The following RALYL variants were observed in gnomAD, a reference collection of about 807,000 sequenced individuals.
The protein encoded by RALYL is RNA-binding Raly-like protein.
RALYL carries 29 observed loss-of-function variants against 35.1 expected under a neutral mutation model. That is an observed-to-expected ratio of 0.83 (90% CI 0.61 to 1.13). RALYL has a LOEUF of 1.13. Among genes scored for constraint, RALYL ranks in the 50% most tolerant of loss-of-function variants. The pLI is 0.00. For missense variants in RALYL, 359 were observed against 360.4 expected, an observed-to-expected ratio of 1.00 and a Z score of 0.03; for synonymous variants, 120 against 127.6, an observed-to-expected ratio of 0.94 and a Z score of 0.40.
chr8:84,841,353 G>T (rs953880383), intron 4 of RALYL, among the ~76,000 whole-genome samples: 17 of 152,006 alleles, frequency 1.1e-4, no homozygotes, highest in African/African-American at 3.6e-4. Context: ...AACCAACAAA[G>T]ATCAAAAGAG....
At chr8:84,380,771 C>T (rs16912764) in intron 1 of RALYL, among the ~76,000 whole-genome samples, 4,291 of 151,704 alleles carry the variant, frequency 0.028, 199 homozygotes, top group African/African-American at 0.098. Context: ...GTTTAAGCAC[C>T]GAAAGGATTT....
chr8:84,521,722 G>A (rs1228027310), intron 1 of RALYL, among the ~76,000 whole-genome samples: 2 of 152,056 alleles, frequency 1.3e-5, no homozygotes. Flanking sequence ...TCTCAACTAA[G>A]TTTTAAATAT....
chr8:84,644,728 T>A (rs1403039959), intron 2 of RALYL, among the ~76,000 whole-genome samples: 5 of 151,570 alleles, frequency 3.3e-5, no homozygotes, highest in Admixed American at 2.6e-4. Flanking sequence ...GTTCCAAGTT[T>A]GTCTTTTTTT....
At chr8:84,753,038 C>A (rs1199426389) in intron 2 of RALYL, among the ~76,000 whole-genome samples, 1 of 152,156 alleles carries the variant, frequency 6.6e-6, no homozygotes, top group Non-Finnish European at 1.5e-5. Context: ...CCCATGGGCA[C>A]TCAGTTCCAG....
chr8:84,881,522 G>A (rs752814247), intron 7 of RALYL, among the ~76,000 whole-genome samples: 2 of 151,886 alleles, frequency 1.3e-5, no homozygotes, highest in Non-Finnish European at 2.9e-5. Context: ...TAATAGCTAT[G>A]CAGCAAACTC....
At chr8:84,766,632 G>A (rs1373402459) in intron 2 of RALYL, among the ~76,000 whole-genome samples, 1 of 144,924 alleles carries the variant, frequency 6.9e-6, no homozygotes, top group African/African-American at 2.6e-5. Context: ...GCTGTGGCAG[G>A]AGAATAGCTT....
chr8:84,812,986 T>C (rs1369118716), intron 4 of RALYL, among the ~76,000 whole-genome samples: 1 of 152,204 alleles, frequency 6.6e-6, no homozygotes, highest in Non-Finnish European at 1.5e-5. Flanking sequence ...TCCTTCTGCC[T>C]GTGGTATTTT....
intron 1 of RALYL, among the ~76,000 whole-genome samples, chr8:84,301,645 C>G (rs921241396): frequency 6.6e-6 from 1 of 152,058 alleles, no homozygotes. Flanking sequence ...CTCTTTTGCT[C>G]TAAATTGTAC....
chr8:84,467,936 G>A (rs971047768), intron 1 of RALYL, among the ~76,000 whole-genome samples: 2 of 137,878 alleles, frequency 1.5e-5, no homozygotes, highest in African/African-American at 5.5e-5. Flanking sequence ...TTGGTTTAAA[G>A]TCTGTTTTAT....
chr8:84,820,268 T>A (rs1167507986), intron 4 of RALYL, among the ~76,000 whole-genome samples: 1 of 152,218 alleles, frequency 6.6e-6, no homozygotes, highest in African/African-American at 2.4e-5. Flanking sequence ...TTAAAATCTA[T>A]GAAGGATTTA....
intron 2 of RALYL, among the ~76,000 whole-genome samples, chr8:84,597,600 T>A (rs552886759): frequency 2.8e-4 from 43 of 152,208 alleles, no homozygotes; most frequent in African/African-American, 1.0e-3. Context: ...CAGCAAACTA[T>A]AGCTTACAGG....
chr8:84,538,888 G>T (rs186442281), intron 2 of RALYL, among the ~76,000 whole-genome samples: 3 of 152,300 alleles, frequency 2.0e-5, no homozygotes, highest in African/African-American at 7.2e-5. Context: ...TAAATAAAAA[G>T]TATTATAAGG....
intron 2 of RALYL, among the ~76,000 whole-genome samples, chr8:84,767,827 C>G (rs943563063): frequency 6.6e-6 from 1 of 152,156 alleles, no homozygotes; most frequent in Non-Finnish European, 1.5e-5. Context: ...ATTCTAATAG[C>G]CAGATAACAA....
At chr8:84,390,120 T>C (rs972461508) in intron 1 of RALYL, among the ~76,000 whole-genome samples, 3 of 152,146 alleles carry the variant, frequency 2.0e-5, no homozygotes, top group East Asian at 1.9e-4. Context: ...TTGTCTTTGG[T>C]TCTGTTTATA....
chr8:84,744,566 G>T (rs182319386), intron 2 of RALYL, among the ~76,000 whole-genome samples: 1 of 152,046 alleles, frequency 6.6e-6, no homozygotes, highest in East Asian at 1.9e-4. Flanking sequence ...TTATACAGTA[G>T]TCTCATTGAA....
At chr8:84,551,034 A>G (rs962192562) in intron 2 of RALYL, among the ~76,000 whole-genome samples, 2 of 152,088 alleles carry the variant, frequency 1.3e-5, no homozygotes, top group Non-Finnish European at 2.9e-5. Flanking sequence ...TTACACACAA[A>G]CTAAGGAGGC....
chr8:84,337,311 T>C (rs1375608343), intron 1 of RALYL, among the ~76,000 whole-genome samples: 2 of 151,776 alleles, frequency 1.3e-5, no homozygotes, highest in African/African-American at 2.4e-5. Flanking sequence ...TCGAGGAATA[T>C]AGCTTCAGGA....
chr8:84,791,812 T>A (rs1820839149), intron 3 of RALYL, among the ~76,000 whole-genome samples: 1 of 152,234 alleles, frequency 6.6e-6, no homozygotes, highest in African/African-American at 2.4e-5. Context: ...TTTTGTCATA[T>A]TCAGCGATGT....
intron 4 of RALYL, among the ~76,000 whole-genome samples, chr8:84,820,304 A>G (rs1381876681): frequency 1.3e-5 from 2 of 152,232 alleles, no homozygotes; most frequent in African/African-American, 4.8e-5. Context: ...ATGCAAGTCT[A>G]AATTAGCCAA....
Sources: gnomAD v4.1 joint callset for allele counts (sites outside exome capture counted in the v4.1 genomes callset) on GRCh38, gnomAD v4.1.1 for gene constraint, MANE v1.5 for transcripts, NCBI Gene and HGNC (gene_info 2026-07-23, HGNC 2026-07-21) for gene names.